PWP1: variants seen among roughly 807,000 people sequenced by gnomAD.
The protein encoded by PWP1 is PWP1 homolog, endonuclein, also known as periodic tryptophan protein 1 homolog.
In PWP1, 47 loss-of-function variants were observed where a neutral mutation model predicts 69.9. The observed-to-expected ratio is 0.67, with a 90% CI of 0.53 to 0.86. The LOEUF (loss-of-function observed/expected upper bound fraction) is 0.86. Ranked by LOEUF, PWP1 falls within the 40% of genes least tolerant of loss-of-function variation. PWP1 has a pLI of 0.00. For synonymous variants in PWP1, 222 were observed against 208.2 expected (o/e 1.07, Z -0.57); for missense variants, 551 against 608.8 (o/e 0.91, Z 1.00).
In PWP1 at chr12:107,708,965, C is replaced by A; in HGVS notation, c.1117C>A (p.Arg373Ser). ...CGGCTTTGTATATAATTTGGATGCA[C>A]GTTCAGATAAGCCAATTTTTACACT... The part of the protein sequence containing the change: ...DDGFVYNLDA[R>S]SDKPIFTLNA... Residue 373 changes from arginine (R) to serine (S), a missense_variant, in exon 12 of 15, where the codon CGT becomes AGT. Coordinates refer to ENST00000412830, the MANE Select transcript of PWP1 (RefSeq NM_007062.3). 6.2e-7 allele frequency: 1 copy of A among 1,613,776 alleles called. No individual in the cohort carries two copies.
rs1889884139 is a variant in PWP1 at position 107,708,953 on chromosome 12, A to G, written c.1105A>G (p.Asn369Asp). The G allele has an allele frequency of 1.2e-6, 2 of 1,613,728 alleles. No homozygotes were observed. Among genetic ancestry groups the G allele is most frequent in the Non-Finnish European group, 8.5e-7 (1 of 1,179,892 alleles). ...LASTDDGFVY[N>D]LDARSDKPIF... ...CAGTACAGATGACGGCTTTGTATATAATTTGGATGCACGTTCAGATAAGCC... is the reference window on the plus strand; with the variant it reads ...CAGTACAGATGACGGCTTTGTATATGATTTGGATGCACGTTCAGATAAGCC... Residue 369 changes from asparagine (N) to aspartate (D), a missense_variant, in exon 12 of 15, where the codon AAT becomes GAT. Asn to Asp is a conservative substitution (Grantham distance 23). Transcript: ENST00000412830.
chr12:107,699,295 G>T, intron 7 of PWP1, 78 bp from the exon 8 acceptor site: 7 of 1,098,250 alleles, frequency 6.4e-6, no homozygotes, highest in Non-Finnish European at 9.5e-6. Context: ...AAGGTTTAAA[G>T]AATTTTGCAG....
chr12:107,691,673 CTTA>C (rs143455193), intron 3 of PWP1, among the ~76,000 whole-genome samples: 8,106 of 152,136 alleles, frequency 0.053, 728 homozygotes, highest in African/African-American at 0.19. Flanking sequence ...TGGTTTCCAT[CTTA>C]TTATCGCTGG....
At chr12:107,694,937 C>T (rs776196947) in intron 5 of PWP1, among the ~76,000 whole-genome samples, 10 of 151,962 alleles carry the variant, frequency 6.6e-5, no homozygotes, top group African/African-American at 2.4e-4. Context: ...ATTGATCTCA[C>T]GTGGTTAAGA....
chr12:107,709,374 G>C, intron 13 of PWP1, 142 bp downstream of exon 13: 1 of 1,105,076 alleles, frequency 9.0e-7, no homozygotes, highest in Non-Finnish European at 1.3e-6. Flanking sequence ...TTTGAGTTTA[G>C]TCAAATTTGG....
At chr12:107,693,941 G>A (rs892012391) in intron 5 of PWP1, among the ~76,000 whole-genome samples, 7 of 152,048 alleles carry the variant, frequency 4.6e-5, no homozygotes, top group Non-Finnish European at 1.0e-4. Flanking sequence ...AACACAAAGG[G>A]CCACGTTTCT....
Position 107,712,193 on chromosome 12 carries a change from G to C in PWP1, c.1479G>C (p.Arg493Ser). ...CTATTAGTGGCCCTTTTGGCAGCAG[G>C]AGCTCAGATACACCCATGGAGTCTT... The part of the protein sequence containing the change: ...NSSISGPFGS[R>S]SSDTPMES The change falls in exon 15 of 15, where the codon AGG (arginine) becomes AGC (serine). Residue 493 changes from arginine to serine, a missense_variant. By Grantham distance (110) the Arg-to-Ser change is moderately radical. Transcript: ENST00000412830. 2 of 1,613,736 alleles carry C rather than the reference G, an allele frequency of 1.2e-6. No homozygotes were observed. Among genetic ancestry groups the C allele is most frequent in the Admixed American group, 1.7e-5 (1 of 60,020 alleles).
At chr12:107,711,881 G>A (rs1396501795) in intron 14 of PWP1, among the ~76,000 whole-genome samples, 1 of 152,126 alleles carries the variant, frequency 6.6e-6, no homozygotes, top group African/African-American at 2.4e-5. Flanking sequence ...TGTTACCAAG[G>A]CGGATCAGAT....
chr12:107,710,552 TAAAAAAAA>T (rs35371581), intron 14 of PWP1, 42 bp downstream of exon 14: 37 of 1,158,076 alleles, frequency 3.2e-5, no homozygotes, highest in Middle Eastern at 3.9e-4. Flanking sequence ...CCTGCCCCTG[TAAAAAAAA>T]AAAAAAAAAA....
intron 8 of PWP1, 94 bp downstream of exon 8, chr12:107,699,528 C>A (rs1889662037): frequency 3.0e-6 from 3 of 1,014,822 alleles, no homozygotes; most frequent in Middle Eastern, 2.1e-4. Context: ...GTGCTGTGGA[C>A]CTTTGTGTCT....
chr12:107,685,859 C>A lies in PWP1; in HGVS notation c.-41C>A. On this transcript the variant is annotated 5_prime_UTR_variant, in exon 1 of 15. Transcript: ENST00000412830. ...AGTGCGGTCGTGGTCCCTCCCTATGCAGCCTGGTTTCTAGCGTGACACGCC... is the reference window on the plus strand; with the variant it reads ...AGTGCGGTCGTGGTCCCTCCCTATGAAGCCTGGTTTCTAGCGTGACACGCC... The A allele has an allele frequency of 6.2e-7, 1 of 1,610,062 alleles. No individual in the cohort carries two copies. The highest frequency in any genetic ancestry group is 8.5e-7 in the Non-Finnish European group (1 of 1,176,872).
At chr12:107,691,276 AG>A (rs1436396243) in intron 3 of PWP1, among the ~76,000 whole-genome samples, 2 of 152,250 alleles carry the variant, frequency 1.3e-5, no homozygotes, top group Non-Finnish European at 2.9e-5. Context: ...GATCTGCATG[AG>A]TGAAGCACAG....
At chr12:107,699,079 C>T (rs1309194711) in intron 7 of PWP1, among the ~76,000 whole-genome samples, 2 of 152,130 alleles carry the variant, frequency 1.3e-5, no homozygotes, top group Non-Finnish European at 2.9e-5. Flanking sequence ...GCCAACGTGG[C>T]AAAACCCTGT....
chr12:107,700,220 C>T (rs1889679705), intron 8 of PWP1, among the ~76,000 whole-genome samples: 1 of 152,138 alleles, frequency 6.6e-6, no homozygotes, highest in Admixed American at 6.5e-5. Context: ...CCATTTTTAC[C>T]ATTTTTAAGT....
chr12:107,695,265 CA>C (rs564258184), intron 5 of PWP1, among the ~76,000 whole-genome samples: 183 of 141,670 alleles, frequency 1.3e-3, no homozygotes, highest in South Asian at 1.8e-3. Context: ...GACTCCATCT[CA>C]AAAAAAAAAA....
At chr12:107,695,139 G>A (rs1000274163) in intron 5 of PWP1, among the ~76,000 whole-genome samples, 5 of 151,174 alleles carry the variant, frequency 3.3e-5, no homozygotes, top group Non-Finnish European at 5.9e-5. Flanking sequence ...GGTGGCGGGC[G>A]CCTGTAGTCC....
Position 107,712,282 on chromosome 12 carries a change from G to T in PWP1, c.*62G>T. ...AATTTTAAAAAGTTGGCCTAAAAAT[G>T]TTCCATGCGTGGCAGCAACCATGCA... On this transcript the variant is annotated 3_prime_UTR_variant, in exon 15 of 15. Coordinates refer to ENST00000412830, the MANE Select transcript of PWP1 (RefSeq NM_007062.3). 7.8e-7 allele frequency: 1 copy of T among 1,281,164 alleles called. No homozygotes were observed. The allele number at this position is 1,281,164 out of a possible 1,614,324, so 79.4% of individuals were successfully genotyped here. A position where few individuals can be genotyped will look rare whatever the true frequency, so the allele number is the denominator to read the frequency against.
rs142576721 is a variant in PWP1, at chr12:107,699,393, T to C, written c.765T>C (p.His255=). Residue 255 remains histidine (H), a synonymous_variant, in exon 8 of 15, where the codon CAT becomes CAC. Transcript: ENST00000412830. ...TACAGAGTTCCTCAGCAGAAGGGCA[T>C]ACCGATGCTGTCCTTGACCTTTCAT... ...KGKKSSSAEG[H]TDAVLDLSWN... is the part of the protein sequence containing the mutation. 1 of 1,613,320 alleles carries C rather than the reference T, an allele frequency of 6.2e-7. No individual in the cohort carries two copies. Among genetic ancestry groups the C allele is most frequent in the African/African-American group, 1.3e-5 (1 of 74,928 alleles).
intron 5 of PWP1, among the ~76,000 whole-genome samples, chr12:107,695,541 T>C (rs1341391001): frequency 1.3e-5 from 2 of 152,210 alleles, no homozygotes; most frequent in African/African-American, 2.4e-5. Context: ...TTCTGTTTTA[T>C]CAGTGTTTCA....
Sources: gnomAD v4.1 joint callset for allele counts (sites outside exome capture counted in the v4.1 genomes callset) on GRCh38, gnomAD v4.1.1 for gene constraint, MANE v1.5 for transcripts, NCBI Gene and HGNC (gene_info 2026-07-23, HGNC 2026-07-21) for gene names.